ZFPM2: variants seen among roughly 807,000 people sequenced by gnomAD.
The protein encoded by ZFPM2 is zinc finger protein, FOG family member 2.
In ZFPM2, 20 loss-of-function variants were observed where a neutral mutation model predicts 98.6. That is an observed-to-expected ratio of 0.20 (90% CI 0.14 to 0.29). The LOEUF is 0.29. Among genes scored for constraint, ZFPM2 ranks in the 10% least tolerant of loss-of-function variants. The pLI, the probability that ZFPM2 is intolerant of heterozygous loss-of-function variation, is 1.00. For missense variants in ZFPM2, 1,310 were observed against 1,388.6 expected, an observed-to-expected ratio of 0.94 and a Z score of 0.90; for synonymous variants, 518 against 502.7, an observed-to-expected ratio of 1.03 and a Z score of -0.41.
chr8:105,795,355 A>T (rs1442238283), intron 6 of ZFPM2, among the ~76,000 whole-genome samples: 2 of 110,440 alleles, frequency 1.8e-5, no homozygotes, highest in African/African-American at 1.2e-4. Context: ...TGAATGTCAC[A>T]CACACACACA....
At chr8:105,684,058 C>G (rs1257134499) in intron 5 of ZFPM2, among the ~76,000 whole-genome samples, 1 of 152,138 alleles carries the variant, frequency 6.6e-6, no homozygotes, top group Non-Finnish European at 1.5e-5. Context: ...CAGCACACAT[C>G]TAAACCTTAC....
At position 105,713,841 on chromosome 8, in the gene ZFPM2, G is replaced by A. The variant is rs188106596; in HGVS notation, c.533-74877G>A. ...GTGTCCATTTTTGTACCAGTATCAT[G>A]CTGTTTTGGTTACTGTAGCTTTATA... On this transcript the variant is annotated intron_variant, in intron 5 of 7. Coordinates refer to ENST00000407775, the MANE Select transcript of ZFPM2 (RefSeq NM_012082.4). Among the ~76,000 whole-genome samples, 17 of 152,166 alleles carry A rather than the reference G, an allele frequency of 1.1e-4. No individual in the cohort carries two copies. In the East Asian group the frequency reaches 3.1e-3, roughly 28 times the overall value.
chr8:105,523,900 G>T (rs544567316), intron 3 of ZFPM2, among the ~76,000 whole-genome samples: 2 of 152,284 alleles, frequency 1.3e-5, no homozygotes, highest in African/African-American at 4.8e-5. Flanking sequence ...CATAGTGGCA[G>T]CATCACAGTG....
In ZFPM2 at chr8:105,318,845, A is replaced by AGCGGCG. The variant is rs1191717920; in HGVS notation, c.-74_-69dup. On this transcript the variant is annotated 5_prime_UTR_variant, in exon 1 of 8. Coordinates refer to ENST00000407775, the MANE Select transcript of ZFPM2 (RefSeq NM_012082.4). Reference sequence around the variant, plus strand: ...GGCCGGCGGCGGGCCGAGCCTGGCCAGCGGCGGCGGCGGCGGCGGCGGCGG... The same window carrying AGCGGCG: ...GGCCGGCGGCGGGCCGAGCCTGGCCAGCGGCGGCGGCGGCGGCGGCGGCGGCGGCGG... 9 of 331,936 alleles carry AGCGGCG rather than the reference A, an allele frequency of 2.7e-5. No homozygotes were observed. Among genetic ancestry groups the AGCGGCG allele is most frequent in the African/African-American group, 1.3e-4 (3 of 22,884 alleles). 20.6% of individuals were successfully genotyped at this position (331,936 alleles called of 1,614,324 possible). A position where few individuals can be genotyped will look rare whatever the true frequency, so the allele number is the denominator to read the frequency against.
intron 4 of ZFPM2, among the ~76,000 whole-genome samples, chr8:105,603,800 T>C (rs1816142622): frequency 6.6e-6 from 1 of 152,024 alleles, no homozygotes; most frequent in Non-Finnish European, 1.5e-5. Flanking sequence ...GTGATAACGC[T>C]TGATTTTATC....
chr8:105,702,620 G>T (rs113247103), intron 5 of ZFPM2, among the ~76,000 whole-genome samples: 3 of 152,310 alleles, frequency 2.0e-5, no homozygotes, highest in African/African-American at 7.2e-5. Context: ...TAGAAGTCAA[G>T]TGTTTCAGTG....
At chr8:105,509,874 A>C (rs79753210) in intron 3 of ZFPM2, among the ~76,000 whole-genome samples, 1 of 152,194 alleles carries the variant, frequency 6.6e-6, no homozygotes, top group Non-Finnish European at 1.5e-5. Flanking sequence ...GCAGAAGATA[A>C]AACACGAGGA....
chr8:105,539,578 C>T (rs1439959281), intron 3 of ZFPM2, among the ~76,000 whole-genome samples: 2 of 152,064 alleles, frequency 1.3e-5, no homozygotes, highest in East Asian at 1.9e-4. Context: ...TATGTAGCGT[C>T]GTGACTATGA....
intron 1 of ZFPM2, among the ~76,000 whole-genome samples, chr8:105,380,105 T>C (rs1810814912): frequency 6.6e-6 from 1 of 152,234 alleles, no homozygotes; most frequent in Admixed American, 6.5e-5. Flanking sequence ...TTTCTAACAG[T>C]GATATTGAAT....
intron 5 of ZFPM2, among the ~76,000 whole-genome samples, chr8:105,764,515 T>A (rs1419334693): frequency 1.3e-5 from 2 of 151,758 alleles, no homozygotes; most frequent in Non-Finnish European, 2.9e-5. Context: ...TCAATACTTT[T>A]ATTTAGTCAG....
rs141689607 is a variant in ZFPM2 at position 105,459,062 on chromosome 8, C to T, written c.301+14681C>T. Among the ~76,000 whole-genome samples, 528 of 152,220 alleles carry T rather than the reference C, an allele frequency of 3.5e-3. 4 individuals are homozygous for T. Among genetic ancestry groups the T allele is most frequent in the African/African-American group, 0.012 (512 of 41,546 alleles). ...CATTTTCTTATTATTAAAGAAGTCA[C>T]TTGAATGGCCCTTCTTTTTTTCTTT... On this transcript the variant is annotated intron_variant, in intron 3 of 7. Transcript: ENST00000407775.
intron 5 of ZFPM2, among the ~76,000 whole-genome samples, chr8:105,659,914 C>A (rs1255633638): frequency 6.6e-6 from 1 of 152,066 alleles, no homozygotes; most frequent in Non-Finnish European, 1.5e-5. Flanking sequence ...TCTTGAAACT[C>A]TTCATAAAGG....
chr8:105,768,943 G>T (rs1292683196), intron 5 of ZFPM2, among the ~76,000 whole-genome samples: 1 of 151,728 alleles, frequency 6.6e-6, no homozygotes, highest in East Asian at 1.9e-4. Context: ...ACCCCCCCAT[G>T]GTTCCTATCA....
At chr8:105,439,536 G>T (rs57570423) in intron 2 of ZFPM2, among the ~76,000 whole-genome samples, 1 of 152,164 alleles carries the variant, frequency 6.6e-6, no homozygotes, top group Admixed American at 6.5e-5. Flanking sequence ...CCCCTGTGAT[G>T]TGTGGGAAGC....
At chr8:105,608,135 G>A (rs1194588498) in intron 4 of ZFPM2, among the ~76,000 whole-genome samples, 3 of 152,026 alleles carry the variant, frequency 2.0e-5, no homozygotes, top group Non-Finnish European at 2.9e-5. Context: ...TAAATAATGA[G>A]GACTTGTGAA....
At chr8:105,747,326 C>T (rs1260662586) in intron 5 of ZFPM2, among the ~76,000 whole-genome samples, 5 of 152,044 alleles carry the variant, frequency 3.3e-5, no homozygotes, top group Non-Finnish European at 5.9e-5. Context: ...TTAAGTGGTA[C>T]AGCACTTGAC....
At chr8:105,670,218 C>A (rs1817564061) in intron 5 of ZFPM2, among the ~76,000 whole-genome samples, 1 of 152,036 alleles carries the variant, frequency 6.6e-6, no homozygotes, top group African/African-American at 2.4e-5. Context: ...TGAAACTGGC[C>A]AGGCACAGTG....
chr8:105,432,197 G>C (rs910667921), intron 2 of ZFPM2, among the ~76,000 whole-genome samples: 1 of 152,018 alleles, frequency 6.6e-6, no homozygotes, highest in African/African-American at 2.4e-5. Flanking sequence ...TTGCAAATCT[G>C]AGCTTTCCAT....
At chr8:105,722,709 A>G (rs1446193356) in intron 5 of ZFPM2, among the ~76,000 whole-genome samples, 1 of 151,686 alleles carries the variant, frequency 6.6e-6, no homozygotes, top group Non-Finnish European at 1.5e-5. Flanking sequence ...GTGTGAGGAG[A>G]AGGAGGAAGA....
Sources: allele counts gnomAD v4.1 joint callset (sites outside exome capture counted in the v4.1 genomes callset), GRCh38; gene constraint gnomAD v4.1.1; transcripts MANE v1.5; gene names NCBI Gene and HGNC (gene_info 2026-07-23, HGNC 2026-07-21).